Variants in PIP5K1B observed in about 807,000 individuals in gnomAD.
PIP5K1B encodes phosphatidylinositol 4-phosphate 5-kinase type-1 beta.
Under a neutral mutation model 67.0 loss-of-function variants are expected in PIP5K1B, and 42 were observed. That is an observed-to-expected ratio of 0.63 (90% CI 0.49 to 0.81). The LOEUF is 0.81. Ranked by LOEUF, PIP5K1B falls within the 30% of genes least tolerant of loss-of-function variation. The pLI, the probability that PIP5K1B is intolerant of heterozygous loss-of-function variation, is 0.00. For synonymous variants in PIP5K1B, 214 were observed against 231.4 expected, an observed-to-expected ratio of 0.92 and a Z score of 0.68; for missense variants, 459 against 646.3, an observed-to-expected ratio of 0.71 and a Z score of 3.14.
chr9:68,928,273 C>G (rs1219535374), intron 12 of PIP5K1B, among the ~76,000 whole-genome samples: 4 of 152,104 alleles, frequency 2.6e-5, no homozygotes, highest in African/African-American at 9.7e-5. Flanking sequence ...ACTGTTTTGG[C>G]TATTCTGGGT....
chr9:68,942,693 T>TG (rs1033910158), intron 14 of PIP5K1B, among the ~76,000 whole-genome samples: 24 of 152,158 alleles, frequency 1.6e-4, no homozygotes, highest in African/African-American at 5.8e-4. Context: ...CATATAGATT[T>TG]GGAGGGGGAA....
intron 1 of PIP5K1B, among the ~76,000 whole-genome samples, chr9:68,723,389 A>T (rs976497492): frequency 2.7e-5 from 4 of 149,872 alleles, no homozygotes; most frequent in Non-Finnish European, 3.0e-5. Flanking sequence ...TGGTAGTCCT[A>T]TTTTTTTTTT....
intron 5 of PIP5K1B, among the ~76,000 whole-genome samples, chr9:68,876,278 G>A (rs1007189617): frequency 3.9e-5 from 6 of 152,128 alleles, no homozygotes; most frequent in African/African-American, 1.4e-4. Context: ...GGTTAACAAT[G>A]TTTGTCAAAT....
chr9:68,926,039 C>T, intron 12 of PIP5K1B, among the ~76,000 whole-genome samples: 1 of 151,878 alleles, frequency 6.6e-6, no homozygotes, highest in Non-Finnish European at 1.5e-5. Context: ...AAGCGACCCA[C>T]CCACCTCAGC....
At chr9:68,968,647 A>G (rs1352802154) in intron 14 of PIP5K1B, among the ~76,000 whole-genome samples, 1 of 151,146 alleles carries the variant, frequency 6.6e-6, no homozygotes, top group African/African-American at 2.4e-5. Flanking sequence ...TCTTTTTTTT[A>G]TCTTAGCATG....
At chr9:68,750,797 G>A (rs1829585010) in intron 2 of PIP5K1B, among the ~76,000 whole-genome samples, 1 of 152,206 alleles carries the variant, frequency 6.6e-6, no homozygotes, top group Non-Finnish European at 1.5e-5. Flanking sequence ...AGTGCTGAAG[G>A]TGGCACAAGG....
intron 2 of PIP5K1B, among the ~76,000 whole-genome samples, chr9:68,815,171 G>A (rs764792323): frequency 6.6e-6 from 1 of 151,650 alleles, no homozygotes; most frequent in Non-Finnish European, 1.5e-5. Flanking sequence ...CAAATTCTCT[G>A]GAAGTTAATT....
chr9:68,972,363 A>G (rs1829417265), intron 14 of PIP5K1B, among the ~76,000 whole-genome samples: 1 of 152,190 alleles, frequency 6.6e-6, no homozygotes, highest in Non-Finnish European at 1.5e-5. Flanking sequence ...TTTTTGTACC[A>G]GTACCATGAA....
chr9:68,715,667 C>G (rs899165142), intron 1 of PIP5K1B, among the ~76,000 whole-genome samples: 3 of 152,120 alleles, frequency 2.0e-5, no homozygotes, highest in Non-Finnish European at 4.4e-5. Flanking sequence ...CCCATAGTGT[C>G]GGCACATGTA....
intron 15 of PIP5K1B, among the ~76,000 whole-genome samples, chr9:68,997,726 A>T (rs778538455): frequency 1.3e-5 from 2 of 152,240 alleles, no homozygotes; most frequent in African/African-American, 2.4e-5. Context: ...GTCTCACAGC[A>T]TCTACAAGTT....
At chr9:68,868,381 A>G (rs1823462055) in intron 5 of PIP5K1B, among the ~76,000 whole-genome samples, 1 of 152,242 alleles carries the variant, frequency 6.6e-6, no homozygotes, top group Admixed American at 6.5e-5. Flanking sequence ...ATTGACTTAT[A>G]TAACATATAT....
At chr9:68,863,721 C>T (rs770229680) in intron 4 of PIP5K1B, 116 bp from the exon 5 acceptor site, 4 of 809,784 alleles carry the variant, frequency 4.9e-6, no homozygotes, top group Non-Finnish European at 7.5e-6. Context: ...ACCTCAGCCT[C>T]GTCATTGTTT....
At chr9:68,890,520 T>C (rs1171988351) in intron 7 of PIP5K1B, among the ~76,000 whole-genome samples, 3 of 152,224 alleles carry the variant, frequency 2.0e-5, no homozygotes, top group Non-Finnish European at 4.4e-5. Flanking sequence ...TATGTAAAAA[T>C]ATTATTTTAA....
intron 2 of PIP5K1B, among the ~76,000 whole-genome samples, chr9:68,764,074 CTTTTTTTTTTTTT>C (rs72304177): frequency 1.4e-5 from 1 of 73,516 alleles, no homozygotes; most frequent in Non-Finnish European, 2.6e-5. Flanking sequence ...ACTATAACTT[CTTTTTTTTTTTTT>C]TTTTTTTTTT....
At chr9:68,763,995 A>T (rs1830306499) in intron 2 of PIP5K1B, among the ~76,000 whole-genome samples, 1 of 151,496 alleles carries the variant, frequency 6.6e-6, no homozygotes, top group East Asian at 1.9e-4. Flanking sequence ...CTTCTCTGGA[A>T]ATGCTGGTTA....
chr9:68,762,152 G>A (rs1026353851), intron 2 of PIP5K1B, among the ~76,000 whole-genome samples: 1 of 152,012 alleles, frequency 6.6e-6, no homozygotes, highest in Admixed American at 6.6e-5. Context: ...TGTGTAGAAG[G>A]TTCTTTTACC....
intron 6 of PIP5K1B, among the ~76,000 whole-genome samples, chr9:68,878,598 T>A (rs1453201044): frequency 6.6e-6 from 1 of 152,184 alleles, no homozygotes; most frequent in African/African-American, 2.4e-5. Context: ...TGAACACCAA[T>A]TATATCTAAA....
At position 68,940,509 on chromosome 9, in the gene PIP5K1B, A is replaced by G. The variant is rs575269832; in HGVS notation, c.1358-137A>G. On this transcript the variant is annotated intron_variant, in intron 13 of 15. Transcript: ENST00000265382. ...CATTTCTGCTGTAATTCAGAAAAAA[A>G]AAGTGCAGTTAATTCATAATTGAAT... 5.3e-6 allele frequency: 4 copies of G among 749,432 alleles called. No homozygotes were observed. The East Asian group carries it at 7.8e-5, about 15-fold the overall frequency. The allele number at this position is 749,432 out of a possible 1,614,324, so 46.4% of individuals were successfully genotyped here.
At chr9:68,921,974 TTA>T (rs1193944321) in intron 11 of PIP5K1B, among the ~76,000 whole-genome samples, 16 of 152,252 alleles carry the variant, frequency 1.1e-4, no homozygotes, top group East Asian at 3.8e-4. Flanking sequence ...GACATGGCTC[TTA>T]CTTAAACAAT....
Sources: allele counts gnomAD v4.1 joint callset (sites outside exome capture counted in the v4.1 genomes callset), GRCh38; gene constraint gnomAD v4.1.1; transcripts MANE v1.5; gene names NCBI Gene and HGNC (gene_info 2026-07-23, HGNC 2026-07-21).